Variants in PCSK5 observed in about 807,000 individuals in gnomAD.
PCSK5 encodes the protein prohormone convertase 5.
PCSK5 carries 129 observed loss-of-function variants against 233.2 expected under a neutral mutation model. The observed-to-expected ratio is 0.55, with a 90% confidence interval of 0.48 to 0.64. The LOEUF is 0.64. Ranked by LOEUF, PCSK5 falls within the 30% of genes least tolerant of loss-of-function variation. The probability of loss-of-function intolerance (pLI) is 0.00; values close to 1 mark genes in which losing one functional copy is unlikely to be tolerated. For synonymous variants in PCSK5, 825 were observed against 879.2 expected (o/e 0.94, Z 1.09); for missense variants, 2,076 against 2,430.1 (o/e 0.85, Z 3.06).
chr9:76,097,246 C>T (rs370362873), intron 8 of PCSK5, among the ~76,000 whole-genome samples: 122 of 67,286 alleles, frequency 1.8e-3, no homozygotes, highest in Middle Eastern at 0.031. Context: ...AAGTGCATTT[C>T]TTTTTTTTTT....
intron 8 of PCSK5, among the ~76,000 whole-genome samples, chr9:76,097,890 C>G (rs1389756337): frequency 6.6e-6 from 1 of 152,170 alleles, no homozygotes; most frequent in African/African-American, 2.4e-5. Context: ...TAAACTGTCT[C>G]TGGATTTGTC....
At chr9:76,086,301 A>C (rs1196554803) in intron 7 of PCSK5, among the ~76,000 whole-genome samples, 1 of 152,222 alleles carries the variant, frequency 6.6e-6, no homozygotes, top group Non-Finnish European at 1.5e-5. Context: ...TATGAAATAT[A>C]CATTTATTTT....
intron 20 of PCSK5, among the ~76,000 whole-genome samples, chr9:76,217,102 C>T (rs759591304): frequency 5.9e-5 from 9 of 152,140 alleles, no homozygotes; most frequent in Non-Finnish European, 1.0e-4. Flanking sequence ...GGGTTACAGG[C>T]GTGAGCCACC....
At chr9:75,943,033 C>G in intron 2 of PCSK5, among the ~76,000 whole-genome samples, 1 of 151,700 alleles carries the variant, frequency 6.6e-6, no homozygotes, top group Non-Finnish European at 1.5e-5. Flanking sequence ...TACAGGCGCT[C>G]GCCACCACAC....
intron 8 of PCSK5, among the ~76,000 whole-genome samples, chr9:76,106,643 T>C (rs1831990054): frequency 6.6e-6 from 1 of 152,216 alleles, no homozygotes; most frequent in Non-Finnish European, 1.5e-5. Flanking sequence ...TCAGCCTTAT[T>C]TTTAGTATCC....
At chr9:76,340,364 A>G (rs370963262) in intron 35 of PCSK5, among the ~76,000 whole-genome samples, 121 of 152,090 alleles carry the variant, frequency 8.0e-4, no homozygotes, top group African/African-American at 2.5e-3. Context: ...ATCTTCAAAT[A>G]GCCAGGCGCG....
chr9:76,122,829 T>TC (rs67461182), intron 9 of PCSK5, among the ~76,000 whole-genome samples: 4 of 126,666 alleles, frequency 3.2e-5, no homozygotes, highest in South Asian at 2.5e-4. Context: ...TTTTTTTTCT[T>TC]TTTTTTTTTT....
At position 76,239,023 on chromosome 9, in the gene PCSK5, C is replaced by G. The variant is rs763048319; in HGVS notation, c.2931C>G (p.His977Gln). ...GTGGAGATAGCTGCCCAGAGGGCCACTATGCCACTGAGGGGAACACCTGCC... is the reference window on the plus strand; with the variant it reads ...GTGGAGATAGCTGCCCAGAGGGCCAGTATGCCACTGAGGGGAACACCTGCC... ...GECGDSCPEG[H>Q]YATEGNTCLP... Residue 977 changes from histidine to glutamine, a missense_variant, in exon 23 of 38, where the codon CAC becomes CAG. His to Gln is a conservative substitution (Grantham distance 24). Transcript: ENST00000674117. The G allele has an allele frequency of 6.2e-6, 10 of 1,612,120 alleles. No individual in the cohort carries two copies. The highest frequency in any genetic ancestry group is 7.6e-6 in the Non-Finnish European group (9 of 1,179,628).
At chr9:75,975,141 C>T (rs958758570) in intron 2 of PCSK5, among the ~76,000 whole-genome samples, 8 of 152,050 alleles carry the variant, frequency 5.3e-5, no homozygotes, top group Non-Finnish European at 1.5e-5. Flanking sequence ...ATGAAAACTC[C>T]TGGTACCCAG....
rs1826269230 is a variant in PCSK5 at position 75,981,340 on chromosome 9, C to A, written c.298-4792C>A. On this transcript the variant is annotated intron_variant, in intron 2 of 37. Coordinates refer to ENST00000674117, the MANE Select transcript of PCSK5 (RefSeq NM_001372043.1). The stretch of plus-strand genomic sequence containing the variant: ...TCCCTCATTTTACAGATAAAAGAGG[C>A]CCACAAAGTTTTTTGCAAGATCACA... Among the ~76,000 whole-genome samples, 5 of 152,078 alleles carry A rather than the reference C, an allele frequency of 3.3e-5. No individual in the cohort carries two copies. In the South Asian group the frequency reaches 8.3e-4, roughly 25 times the overall value.
At chr9:76,129,975 G>A (rs1246751858) in intron 9 of PCSK5, among the ~76,000 whole-genome samples, 3 of 152,154 alleles carry the variant, frequency 2.0e-5, no homozygotes, top group Admixed American at 2.0e-4. Context: ...ACTGAACGGA[G>A]AAGAGTCACG....
At position 76,000,725 on chromosome 9, in the gene PCSK5, T is replaced by C. The variant is rs145341854; in HGVS notation, c.411+14480T>C. Among the ~76,000 whole-genome samples the C allele has an allele frequency of 2.6e-5, 4 of 152,334 alleles. No individual in the cohort carries two copies. In the East Asian group the frequency reaches 5.8e-4, roughly 22 times the overall value. ...AACATAGTTGATGTGTTTTATTTCATTGAAGTCGTAAACCTGTTCATGCTT... is the reference window on the plus strand; with the variant it reads ...AACATAGTTGATGTGTTTTATTTCACTGAAGTCGTAAACCTGTTCATGCTT... On this transcript the variant is annotated intron_variant, in intron 3 of 37. Coordinates refer to ENST00000674117, the MANE Select transcript of PCSK5 (RefSeq NM_001372043.1).
intron 1 of PCSK5, among the ~76,000 whole-genome samples, chr9:75,908,889 A>ATCTG (rs1822540614): frequency 8.1e-6 from 1 of 123,462 alleles, no homozygotes; most frequent in South Asian, 2.7e-4. Flanking sequence ...CTATCTATCT[A>ATCTG]TCTATCTATC....
At chr9:76,129,155 C>T (rs1172826705) in intron 9 of PCSK5, among the ~76,000 whole-genome samples, 1 of 152,166 alleles carries the variant, frequency 6.6e-6, no homozygotes, top group Non-Finnish European at 1.5e-5. Context: ...GTCTCCAGCT[C>T]ACCATGAATC....
chr9:76,127,760 C>G (rs1354934775), intron 9 of PCSK5, among the ~76,000 whole-genome samples: 2 of 152,184 alleles, frequency 1.3e-5, no homozygotes, highest in African/African-American at 2.4e-5. Context: ...ATCATCATGA[C>G]GCTTGTCTTT....
intron 5 of PCSK5, among the ~76,000 whole-genome samples, chr9:76,027,396 A>C (rs1211785753): frequency 6.6e-6 from 1 of 151,884 alleles, no homozygotes; most frequent in Non-Finnish European, 1.5e-5. Context: ...TGTTCTGTTA[A>C]ATTCAACACA....
chr9:76,331,620 T>C (rs1157133110), intron 33 of PCSK5, among the ~76,000 whole-genome samples: 1 of 150,610 alleles, frequency 6.6e-6, no homozygotes, highest in Non-Finnish European at 1.5e-5. Context: ...TGAGCCAAGA[T>C]TGTGCCACTG....
chr9:76,311,311 A>C (rs187877239), intron 30 of PCSK5, among the ~76,000 whole-genome samples: 17 of 151,758 alleles, frequency 1.1e-4, no homozygotes, highest in East Asian at 3.9e-4. Flanking sequence ...TGATTGCACC[A>C]CTGTACTCCA....
intron 8 of PCSK5, among the ~76,000 whole-genome samples, chr9:76,106,548 A>G (rs558522631): frequency 1.3e-4 from 20 of 151,284 alleles, no homozygotes; most frequent in Admixed American, 3.3e-4. Flanking sequence ...CATTTTGATT[A>G]AAAAATAAAA....
Sources: gnomAD v4.1 joint callset for allele counts (sites outside exome capture counted in the v4.1 genomes callset) on GRCh38, gnomAD v4.1.1 for gene constraint, MANE v1.5 for transcripts, NCBI Gene and HGNC (gene_info 2026-07-23, HGNC 2026-07-21) for gene names.